Variants in TF observed in about 807,000 individuals in gnomAD.
TF encodes the protein transferrin, also known as serotransferrin.
In TF, 55 loss-of-function variants were observed where a neutral mutation model predicts 82.4. The ratio of observed to expected loss-of-function variants is 0.67; its 90% confidence interval spans 0.54 to 0.84. TF has a LOEUF of 0.84. Among genes scored for constraint, TF ranks in the 40% least tolerant of loss-of-function variants. The pLI is 0.00. For missense variants in TF, 737 were observed against 868.4 expected, an observed-to-expected ratio of 0.85 and a Z score of 1.90; for synonymous variants, 332 against 332.6, an observed-to-expected ratio of 1.00 and a Z score of 0.02.
rs1386610606 is a variant in TF, at chr3:133,779,484, C to T, written c.*864C>T. 6.6e-6 allele frequency: 1 copy of T among 152,354 alleles called. No homozygotes were observed. Among genetic ancestry groups the T allele is most frequent in the African/African-American group, 2.4e-5 (1 of 41,468 alleles). 9.4% of individuals were successfully genotyped at this position (152,354 alleles called of 1,614,324 possible). On this transcript the variant is annotated 3_prime_UTR_variant, in exon 17 of 17. Coordinates refer to ENST00000402696, the MANE Select transcript of TF (RefSeq NM_001063.4). ...TTGATAAAGTTGACCACTCCCTCCT[C>T]CTTGGAACTCTTTTCCTCAGTTTCT...
chr3:133,671,786 C>CT, the TF span, among the ~76,000 whole-genome samples: 2 of 136,544 alleles, frequency 1.5e-5, no homozygotes, highest in African/African-American at 2.8e-5. Context: ...GAGTGAGACT[C>CT]TGTCAAAAGA....
At chr3:133,663,229 G>C in the TF span, among the ~76,000 whole-genome samples, 149,762 of 152,302 alleles carry the variant, frequency 0.98, 73,641 homozygotes, top group South Asian at 1. Context: ...CTTGCCCATG[G>C]TGTATTTAGA....
the TF span, among the ~76,000 whole-genome samples, chr3:133,700,551 C>T: frequency 3.9e-5 from 6 of 152,202 alleles, no homozygotes; most frequent in African/African-American, 9.7e-5. Context: ...GAGACCGCCA[C>T]GGGTGCTTAG....
At chr3:133,707,190 T>TCACA in the TF span, among the ~76,000 whole-genome samples, 35,092 of 144,474 alleles carry the variant, frequency 0.24, 4,402 homozygotes, top group Middle Eastern at 0.29. Context: ...AACCTCAGAG[T>TCACA]CACACACACA....
intron 14 of TF, chr3:133,774,973 G>C (rs1194643548): frequency 2.8e-6 from 1 of 356,716 alleles, no homozygotes; most frequent in Non-Finnish European, 5.5e-6. Context: ...ACTGGAACAA[G>C]GGAGTCAGAT....
chr3:133,663,840 C>T, the TF span, among the ~76,000 whole-genome samples: 2 of 152,276 alleles, frequency 1.3e-5, no homozygotes, highest in Admixed American at 6.5e-5. Flanking sequence ...TTCATAGATG[C>T]TGCTAATGAA....
chr3:133,736,631 C>CAAAAAAGCAAAAAAAAAA, the TF span, among the ~76,000 whole-genome samples: 1 of 32,562 alleles, frequency 3.1e-5, no homozygotes, highest in African/African-American at 1.3e-4. Flanking sequence ...AATGGAAAGC[C>CAAAAAAGCAAAAAAAAAA]AAAAAAAAAA....
At chr3:133,751,778 G>A (rs1165261038) in intron 2 of TF, among the ~76,000 whole-genome samples, 2 of 152,020 alleles carry the variant, frequency 1.3e-5, no homozygotes, top group African/African-American at 4.8e-5. Flanking sequence ...GATCACCTGA[G>A]GTCAGGAGTT....
upstream of TF, among the ~76,000 whole-genome samples, chr3:133,741,076 C>G (rs1041629584): frequency 6.8e-6 from 1 of 146,962 alleles, no homozygotes; most frequent in Non-Finnish European, 1.5e-5. Flanking sequence ...ACTGCAACCT[C>G]TGCCTCCCAG....
chr3:133,751,229 CTT>C lies in TF; in HGVS notation c.217-2346_217-2345del, dbSNP rs59638732. Among the ~76,000 whole-genome samples, 490 of 95,994 alleles carry C rather than the reference CTT, an allele frequency of 5.1e-3. 1 individual carries two copies. The highest frequency in any genetic ancestry group is 0.012 in the African/African-American group (281 of 23,628). 63.0% of individuals were successfully genotyped at this position (95,994 alleles called of 152,430 possible). Reference sequence around the variant, plus strand: ...AAAGGACAAATATTGTAAGATTCCACTTTTTTTTTTTTTTTTTTTTTGAGACG... The same window carrying C: ...AAAGGACAAATATTGTAAGATTCCACTTTTTTTTTTTTTTTTTTTGAGACG... On this transcript the variant is annotated intron_variant, in intron 2 of 16. Coordinates refer to ENST00000402696, the MANE Select transcript of TF (RefSeq NM_001063.4).
chr3:133,722,570 T>C, the TF span, among the ~76,000 whole-genome samples: 1 of 152,176 alleles, frequency 6.6e-6, no homozygotes, highest in Admixed American at 6.5e-5. Context: ...TCTGCTGTGA[T>C]TTATTTATCT....
intron 14 of TF, among the ~76,000 whole-genome samples, chr3:133,771,109 A>C (rs564080674): frequency 6.6e-6 from 1 of 152,212 alleles, no homozygotes; most frequent in Non-Finnish European, 1.5e-5. Context: ...AGGAACCAGA[A>C]CTCCTTGGAA....
intron 9 of TF, chr3:133,760,362 T>C (rs1933963937): frequency 6.6e-6 from 1 of 152,300 alleles, no homozygotes; most frequent in African/African-American, 2.4e-5. Context: ...TCAAGCTCAT[T>C]ATTTTATATT....
chr3:133,753,881 T>C, intron 3 of TF, 178 bp downstream of exon 3: 1 of 680,876 alleles, frequency 1.5e-6, no homozygotes, highest in Admixed American at 2.1e-5. Context: ...TCTGGGGGCT[T>C]TGGGCTGGCT....
At chr3:133,701,659 C>A in the TF span, among the ~76,000 whole-genome samples, 8 of 152,128 alleles carry the variant, frequency 5.3e-5, no homozygotes, top group Non-Finnish European at 1.0e-4. Context: ...CCCAGAAGAC[C>A]CTGAGCTGGG....
At chr3:133,742,861 A>G (rs1029564872), upstream of TF, among the ~76,000 whole-genome samples, 1 of 152,182 alleles carries the variant, frequency 6.6e-6, no homozygotes, top group Admixed American at 6.5e-5. Context: ...CTGCACGTAC[A>G]CACAAGCGCA....
chr3:133,771,669 G>A (rs8177295), intron 14 of TF, among the ~76,000 whole-genome samples: 43,964 of 146,220 alleles, frequency 0.3, 6,915 homozygotes, highest in East Asian at 0.42. Context: ...CCTGGGAAGC[G>A]GAGCTTGCAG....
chr3:133,756,151 G>A, intron 5 of TF, 131 bp from the exon 6 acceptor site: 1 of 826,636 alleles, frequency 1.2e-6, no homozygotes, highest in South Asian at 1.5e-5. Context: ...GCACACCATG[G>A]TGTTGCTTCA....
At chr3:133,707,416 G>C in the TF span, 1 of 152,364 alleles carries the variant, frequency 6.6e-6, no homozygotes, top group African/African-American at 2.4e-5. Flanking sequence ...CACTACTGCT[G>C]GAAAGCCACC....
Sources: allele counts gnomAD v4.1 joint callset (sites outside exome capture counted in the v4.1 genomes callset), GRCh38; gene constraint gnomAD v4.1.1; transcripts MANE v1.5; gene names NCBI Gene and HGNC (gene_info 2026-07-23, HGNC 2026-07-21).